The following ERP44 variants were observed in gnomAD, a reference collection of about 807,000 sequenced individuals.
ERP44 encodes endoplasmic reticulum resident protein 44.
A neutral mutation model predicts 53.4 loss-of-function variants in ERP44; 25 were observed. That is an observed-to-expected ratio of 0.47 (90% CI 0.34 to 0.65). The LOEUF is 0.65. Among genes scored for constraint, ERP44 ranks in the 30% least tolerant of loss-of-function variants. The pLI is 0.01. For synonymous variants in ERP44, 145 were observed against 161.2 expected (o/e 0.90, Z 0.76); for missense variants, 338 against 493.2 (o/e 0.69, Z 2.98).
At chr9:99,989,037 T>C (rs1227910221) in intron 10 of ERP44, among the ~76,000 whole-genome samples, 1 of 152,100 alleles carries the variant, frequency 6.6e-6, no homozygotes, top group African/African-American at 2.4e-5. Context: ...GCCAGGAATC[T>C]CGAACTGGGT....
At chr9:100,094,530 C>T (rs754276811) in intron 1 of ERP44, among the ~76,000 whole-genome samples, 1 of 151,834 alleles carries the variant, frequency 6.6e-6, no homozygotes, top group African/African-American at 2.4e-5. Context: ...CAGTGGCAAG[C>T]GCCTGTAATC....
At chr9:100,052,875 T>C (rs1238796652) in intron 3 of ERP44, among the ~76,000 whole-genome samples, 1 of 152,194 alleles carries the variant, frequency 6.6e-6, no homozygotes, top group Non-Finnish European at 1.5e-5. Flanking sequence ...TTGTAACTAC[T>C]GAGGCTTGAA....
At chr9:100,022,891 A>G (rs1830608940) in intron 4 of ERP44, among the ~76,000 whole-genome samples, 1 of 152,226 alleles carries the variant, frequency 6.6e-6, no homozygotes, top group Non-Finnish European at 1.5e-5. Flanking sequence ...GAAGTAACTA[A>G]GATTATATAG....
At chr9:100,008,464 C>T (rs1830441083) in intron 8 of ERP44, among the ~76,000 whole-genome samples, 2 of 152,048 alleles carry the variant, frequency 1.3e-5, no homozygotes, top group Admixed American at 1.3e-4. Context: ...TTATTCTCCC[C>T]AACAAATGCT....
intron 1 of ERP44, among the ~76,000 whole-genome samples, chr9:100,064,596 TGGTTCCCCC>T (rs1182380170): frequency 6.6e-6 from 1 of 152,218 alleles, no homozygotes; most frequent in East Asian, 1.9e-4. Context: ...ACTTAACAGT[TGGTTCCCCC>T]AGCTGTTCTT....
chr9:100,000,315 G>A (rs1484107140), intron 10 of ERP44, among the ~76,000 whole-genome samples: 1 of 151,816 alleles, frequency 6.6e-6, no homozygotes, highest in Non-Finnish European at 1.5e-5. Flanking sequence ...GCACATGCCT[G>A]TAGTCCCACC....
intron 4 of ERP44, among the ~76,000 whole-genome samples, chr9:100,051,072 A>G (rs575239201): frequency 6.6e-6 from 1 of 152,332 alleles, no homozygotes; most frequent in South Asian, 2.1e-4. Context: ...CAGTGTGAAA[A>G]TGTAGCCCAT....
At chr9:99,992,744 A>T (rs1830269011) in intron 10 of ERP44, among the ~76,000 whole-genome samples, 1 of 152,244 alleles carries the variant, frequency 6.6e-6, no homozygotes, top group Non-Finnish European at 1.5e-5. Context: ...TTTACAGATG[A>T]CATGATTATA....
intron 3 of ERP44, among the ~76,000 whole-genome samples, chr9:100,052,737 T>C (rs1288007075): frequency 6.6e-6 from 1 of 152,180 alleles, no homozygotes; most frequent in African/African-American, 2.4e-5. Context: ...ATTCTAAGAA[T>C]GTATAATAGA....
chr9:100,052,036 T>A (rs1164896758), intron 4 of ERP44, among the ~76,000 whole-genome samples: 1 of 152,212 alleles, frequency 6.6e-6, no homozygotes, highest in Non-Finnish European at 1.5e-5. Flanking sequence ...TATTTTCACA[T>A]GATTCTAAAA....
chr9:100,067,453 G>A (rs369065452), intron 1 of ERP44, among the ~76,000 whole-genome samples: 2 of 152,200 alleles, frequency 1.3e-5, no homozygotes, highest in South Asian at 2.1e-4. Flanking sequence ...TCGGCCTCCC[G>A]AGGTGCCGGG....
intron 4 of ERP44, among the ~76,000 whole-genome samples, chr9:100,044,691 T>C (rs1295082381): frequency 6.6e-6 from 1 of 152,220 alleles, no homozygotes; most frequent in Non-Finnish European, 1.5e-5. Flanking sequence ...TGCAGATTTC[T>C]AGCTTCTTAC....
intron 1 of ERP44, among the ~76,000 whole-genome samples, chr9:100,079,413 TACAC>T (rs58110423): frequency 0.038 from 5,211 of 137,254 alleles, 101 homozygotes; most frequent in Middle Eastern, 0.063. Context: ...AACTCCCCTT[TACAC>T]ACACACACAC....
At chr9:100,058,789 AATAAAACACAAAG>A (rs756038380) in intron 2 of ERP44, among the ~76,000 whole-genome samples, 8 of 152,264 alleles carry the variant, frequency 5.3e-5, no homozygotes, top group Non-Finnish European at 1.2e-4. Flanking sequence ...CACTCATGAA[AATAAAACACAAAG>A]ATATTCTAGA....
In ERP44 at chr9:99,979,764, G is replaced by T. The variant is rs1830127979; in HGVS notation, c.*2848C>A. 1 of 391,950 alleles carries T rather than the reference G, an allele frequency of 2.6e-6. No individual in the cohort carries two copies. Among genetic ancestry groups the T allele is most frequent in the African/African-American group, 2.1e-5 (1 of 48,498 alleles). The allele number at this position is 391,950 out of a possible 1,614,324, so 24.3% of individuals were successfully genotyped here. A position where few individuals can be genotyped will look rare whatever the true frequency, so the allele number is the denominator to read the frequency against. Reference sequence around the variant, plus strand: ...CCCCGAGTAGATCAGATAAACCGGGGAAGACTTCTACCTGAAATGGTCTGA... The same window carrying T: ...CCCCGAGTAGATCAGATAAACCGGGTAAGACTTCTACCTGAAATGGTCTGA... On this transcript the variant is annotated 3_prime_UTR_variant, in exon 12 of 12. Transcript: ENST00000262455.
intron 10 of ERP44, among the ~76,000 whole-genome samples, chr9:99,986,292 AT>A (rs745824072): frequency 1.3e-5 from 2 of 152,178 alleles, no homozygotes; most frequent in African/African-American, 2.4e-5. Flanking sequence ...GGTTTTGCTA[AT>A]TTGATAAGTA....
chr9:100,088,737 G>C (rs1288544183), intron 1 of ERP44, among the ~76,000 whole-genome samples: 1 of 152,162 alleles, frequency 6.6e-6, no homozygotes, highest in Admixed American at 6.5e-5. Flanking sequence ...GGAAAATAGA[G>C]ATGTTAAGAA....
At chr9:100,023,693 C>T (rs542874139) in intron 4 of ERP44, among the ~76,000 whole-genome samples, 139 of 152,076 alleles carry the variant, frequency 9.1e-4, no homozygotes, top group Non-Finnish European at 1.6e-3. Flanking sequence ...GCAATCCTCC[C>T]GCCTCAGCCT....
intron 4 of ERP44, among the ~76,000 whole-genome samples, 156 bp from the exon 5 acceptor site, chr9:100,022,382 G>C (rs1039688176): frequency 3.3e-5 from 5 of 152,186 alleles, no homozygotes; most frequent in African/African-American, 4.8e-5. Flanking sequence ...ATCAGGACTT[G>C]AGTTTACATT....
Sources: gnomAD v4.1 joint callset for allele counts (sites outside exome capture counted in the v4.1 genomes callset) on GRCh38, gnomAD v4.1.1 for gene constraint, MANE v1.5 for transcripts, NCBI Gene and HGNC (gene_info 2026-07-23, HGNC 2026-07-21) for gene names.